The following FHIP1A variants were observed in gnomAD, a reference collection of about 807,000 sequenced individuals.
FHIP1A encodes the protein FHF complex subunit HOOK interacting protein 1A, also known as FHF complex subunit HOOK-interacting protein 1A.
A neutral mutation model predicts 88.6 loss-of-function variants in FHIP1A; 61 were observed. That is an observed-to-expected ratio of 0.69 (90% CI 0.56 to 0.85). The LOEUF (loss-of-function observed/expected upper bound fraction) is 0.85, where lower values mean the gene tolerates loss of function less well. FHIP1A is among the 40% of genes least tolerant of loss of function. The pLI, the probability that FHIP1A is intolerant of heterozygous loss-of-function variation, is 0.00. For synonymous variants in FHIP1A, 478 were observed against 496.0 expected (o/e 0.96, Z 0.48); for missense variants, 1,154 against 1,273.5 (o/e 0.91, Z 1.43).
chr4:151,633,674 T>C (rs768182203), intron 8 of FHIP1A, among the ~76,000 whole-genome samples: 4 of 151,878 alleles, frequency 2.6e-5, no homozygotes, highest in Admixed American at 6.6e-5. Context: ...CAGTGTAATA[T>C]ACCACATTAA....
chr4:151,543,377 C>T (rs1029134411), intron 3 of FHIP1A, among the ~76,000 whole-genome samples: 3 of 152,160 alleles, frequency 2.0e-5, no homozygotes, highest in African/African-American at 7.2e-5. Context: ...TTTCTGAACT[C>T]CTAATGCATG....
At chr4:151,427,156 T>C (rs1441727091) in intron 1 of FHIP1A, among the ~76,000 whole-genome samples, 1 of 152,188 alleles carries the variant, frequency 6.6e-6, no homozygotes. Context: ...ACAATTCATA[T>C]GCAGGATCTC....
intron 3 of FHIP1A, among the ~76,000 whole-genome samples, chr4:151,516,522 A>G (rs62327259): frequency 6.6e-6 from 1 of 152,050 alleles, no homozygotes; most frequent in Non-Finnish European, 1.5e-5. Context: ...GCAACCTACA[A>G]AATGGGATAA....
intron 11 of FHIP1A, among the ~76,000 whole-genome samples, chr4:151,651,013 T>G (rs1482784912): frequency 6.6e-6 from 1 of 152,236 alleles, no homozygotes; most frequent in Admixed American, 6.5e-5. Flanking sequence ...TGGAGCTCTT[T>G]CCCTAGCACT....
At chr4:151,583,185 A>G (rs1335044977) in intron 5 of FHIP1A, among the ~76,000 whole-genome samples, 1 of 152,234 alleles carries the variant, frequency 6.6e-6, no homozygotes, top group Non-Finnish European at 1.5e-5. Flanking sequence ...CAGTCTAGGA[A>G]GGGAGGATAT....
intron 1 of FHIP1A, among the ~76,000 whole-genome samples, chr4:151,416,949 A>G (rs946854573): frequency 5.3e-5 from 8 of 151,834 alleles, no homozygotes; most frequent in Non-Finnish European, 2.9e-5. Context: ...ATGCCTGGCT[A>G]ATTTTTGTAT....
At chr4:151,496,394 A>G (rs998595422) in intron 3 of FHIP1A, among the ~76,000 whole-genome samples, 1 of 152,122 alleles carries the variant, frequency 6.6e-6, no homozygotes, top group African/African-American at 2.4e-5. Context: ...TTTCCAGGGC[A>G]ATCCTGATAT....
intron 3 of FHIP1A, among the ~76,000 whole-genome samples, chr4:151,538,753 C>G (rs1580683297): frequency 6.6e-6 from 1 of 152,166 alleles, no homozygotes; most frequent in East Asian, 1.9e-4. Context: ...GGCATGCACA[C>G]TGGGGTCAGG....
At chr4:151,633,030 T>C (rs982894289) in intron 8 of FHIP1A, among the ~76,000 whole-genome samples, 1 of 151,792 alleles carries the variant, frequency 6.6e-6, no homozygotes, top group African/African-American at 2.4e-5. Context: ...AAGACTTGGT[T>C]TTTTAAAACA....
intron 7 of FHIP1A, among the ~76,000 whole-genome samples, chr4:151,607,386 A>G (rs994518130): frequency 1.3e-5 from 2 of 152,222 alleles, no homozygotes; most frequent in Non-Finnish European, 2.9e-5. Context: ...AAAAAATCAT[A>G]TTAAGCAGGC....
At chr4:151,611,335 A>G (rs1283396628) in intron 7 of FHIP1A, among the ~76,000 whole-genome samples, 1 of 152,224 alleles carries the variant, frequency 6.6e-6, no homozygotes, top group African/African-American at 2.4e-5. Flanking sequence ...ACCAGAGTTG[A>G]GACAGATACT....
At chr4:151,450,197 G>A (rs1045910950) in intron 1 of FHIP1A, among the ~76,000 whole-genome samples, 2 of 152,058 alleles carry the variant, frequency 1.3e-5, no homozygotes, top group Non-Finnish European at 2.9e-5. Flanking sequence ...TTGCAAAAAG[G>A]TCAAACGTAA....
At chr4:151,552,663 CG>C (rs1197909793) in intron 3 of FHIP1A, among the ~76,000 whole-genome samples, 2 of 151,490 alleles carry the variant, frequency 1.3e-5, no homozygotes, top group African/African-American at 4.9e-5. Context: ...CATCACACCC[CG>C]GGGCCTGTTG....
At chr4:151,488,668 T>C (rs1730170879) in intron 3 of FHIP1A, among the ~76,000 whole-genome samples, 1 of 152,232 alleles carries the variant, frequency 6.6e-6, no homozygotes, top group African/African-American at 2.4e-5. Context: ...GTAATGGGAT[T>C]GCAAATGCTG....
intron 7 of FHIP1A, among the ~76,000 whole-genome samples, chr4:151,623,306 G>A (rs2126867551): frequency 6.6e-6 from 1 of 152,266 alleles, no homozygotes; most frequent in South Asian, 2.1e-4. Flanking sequence ...AGGACACACT[G>A]AATCTTTGGG....
Position 151,666,633 on chromosome 4 carries a change from T to G in FHIP1A, c.*3879T>G, listed in dbSNP as rs1443917007. On this transcript the variant is annotated 3_prime_UTR_variant, in exon 14 of 14. Transcript: ENST00000435205. ...GCCAGTGGGTACTCAGGGTCGAAAG[T>G]TGTTTCCAGTGTCTCCAAATCAGCT... is the stretch of plus-strand genomic sequence containing the variant. 6.6e-6 allele frequency among the ~76,000 whole-genome samples: 1 copy of G among 152,168 alleles called. No individual in the cohort carries two copies. The highest frequency in any genetic ancestry group is 1.5e-5 in the Non-Finnish European group (1 of 68,038).
intron 3 of FHIP1A, among the ~76,000 whole-genome samples, chr4:151,546,950 C>A (rs1043335594): frequency 6.6e-6 from 1 of 152,060 alleles, no homozygotes; most frequent in African/African-American, 2.4e-5. Flanking sequence ...CTCCTTGGTC[C>A]CCACTTCATC....
intron 1 of FHIP1A, among the ~76,000 whole-genome samples, chr4:151,447,087 A>G (rs926715307): frequency 2.0e-5 from 3 of 152,192 alleles, no homozygotes; most frequent in South Asian, 4.1e-4. Context: ...TTAAGTGGTG[A>G]TATTTCTATG....
At chr4:151,506,244 G>A (rs904936741) in intron 3 of FHIP1A, among the ~76,000 whole-genome samples, 1 of 152,092 alleles carries the variant, frequency 6.6e-6, no homozygotes, top group Non-Finnish European at 1.5e-5. Context: ...GTGGTGAGTA[G>A]GAAGAGAAGG....
Sources: gnomAD v4.1 joint callset for allele counts (sites outside exome capture counted in the v4.1 genomes callset) on GRCh38, gnomAD v4.1.1 for gene constraint, MANE v1.5 for transcripts, NCBI Gene and HGNC (gene_info 2026-07-23, HGNC 2026-07-21) for gene names.